RYR3: variants seen among roughly 807,000 people sequenced by gnomAD.
The protein encoded by RYR3 is ryanodine receptor 3, also known as brain ryanodine receptor-calcium release channel.
RYR3 carries 207 observed loss-of-function variants against 584.3 expected under a neutral mutation model. The ratio of observed to expected loss-of-function variants is 0.35; its 90% confidence interval spans 0.32 to 0.40. The LOEUF is 0.40. Ranked by LOEUF, RYR3 falls within the 10% of genes least tolerant of loss-of-function variation. RYR3 has a pLI of 1.00. For synonymous variants in RYR3, 2,416 were observed against 2,248.5 expected (o/e 1.07, Z -2.11); for missense variants, 5,616 against 6,089.2 (o/e 0.92, Z 2.59).
intron 1 of RYR3, among the ~76,000 whole-genome samples, chr15:33,471,036 G>A (rs1047345359): frequency 6.6e-6 from 1 of 152,212 alleles, no homozygotes; most frequent in African/African-American, 2.4e-5. Context: ...CAGATGGGTT[G>A]AATTAACTCA....
intron 3 of RYR3, among the ~76,000 whole-genome samples, chr15:33,512,523 T>G (rs2053123473): frequency 6.6e-6 from 1 of 152,186 alleles, no homozygotes. Flanking sequence ...TGACTGTCTT[T>G]TCTTTGGTGA....
chr15:33,616,680 G>A (rs569994923), intron 19 of RYR3, among the ~76,000 whole-genome samples: 52 of 152,294 alleles, frequency 3.4e-4, no homozygotes, highest in Admixed American at 3.0e-3. Context: ...AGCTGAACAG[G>A]TGGAAGGCTA....
At chr15:33,699,254 C>G (rs1479577644) in intron 40 of RYR3, among the ~76,000 whole-genome samples, 2 of 72,364 alleles carry the variant, frequency 2.8e-5, no homozygotes, top group Non-Finnish European at 6.0e-5. Context: ...CTCTCTCTCT[C>G]CCCCCCTTTC....
At chr15:33,670,599 C>T (rs945899347) in intron 38 of RYR3, 43 bp downstream of exon 38, 1 of 1,515,124 alleles carries the variant, frequency 6.6e-7, no homozygotes, top group South Asian at 1.3e-5. Context: ...TCTTCTAAGA[C>T]TTAATTAATG....
At chr15:33,542,418 A>C (rs2055894303) in intron 7 of RYR3, among the ~76,000 whole-genome samples, 1 of 152,170 alleles carries the variant, frequency 6.6e-6, no homozygotes, top group Non-Finnish European at 1.5e-5. Flanking sequence ...TTAATTTTCT[A>C]AATAAATTAG....
chr15:33,725,972 C>A (rs1415212237), intron 45 of RYR3, among the ~76,000 whole-genome samples: 1 of 40,526 alleles, frequency 2.5e-5, no homozygotes, highest in Non-Finnish European at 6.0e-5. Context: ...TCCATCCCCC[C>A]CCCCAAAAAA....
At chr15:33,851,808 A>C (rs1309654290) in intron 94 of RYR3, 1 of 152,176 alleles carries the variant, frequency 6.6e-6, no homozygotes, top group Non-Finnish European at 1.5e-5. Context: ...GCATGGCTTG[A>C]TTTTTATTTG....
chr15:33,583,704 T>C (rs2058701897), intron 14 of RYR3, among the ~76,000 whole-genome samples: 1 of 151,950 alleles, frequency 6.6e-6, no homozygotes, highest in Admixed American at 6.6e-5. Flanking sequence ...GAGGATCAAT[T>C]GACGCCAAGA....
intron 1 of RYR3, among the ~76,000 whole-genome samples, chr15:33,312,751 A>G (rs149246697): frequency 0.01 from 1,531 of 152,304 alleles, 29 homozygotes; most frequent in African/African-American, 0.035. Context: ...TAGATGTCCC[A>G]GGGAGTTGAG....
intron 42 of RYR3, among the ~76,000 whole-genome samples, chr15:33,701,621 C>T (rs72713271): frequency 1.2e-3 from 183 of 151,988 alleles, no homozygotes; most frequent in Middle Eastern, 3.4e-3. Flanking sequence ...GTGTGACCTT[C>T]TGAGTGGAGC....
chr15:33,454,237 T>C (rs1200320151), intron 1 of RYR3, among the ~76,000 whole-genome samples: 1 of 152,176 alleles, frequency 6.6e-6, no homozygotes, highest in Admixed American at 6.5e-5. Flanking sequence ...TCTGACTGAG[T>C]ATCCCCAAAC....
chr15:33,548,287 C>A, intron 9 of RYR3, 83 bp downstream of exon 9: 1 of 828,694 alleles, frequency 1.2e-6, no homozygotes, highest in Non-Finnish European at 1.9e-6. Flanking sequence ...TCATTCATTC[C>A]ACATCATCTG....
intron 101 of RYR3, among the ~76,000 whole-genome samples, 156 bp downstream of exon 101, chr15:33,860,815 C>G (rs1054761831): frequency 2.0e-5 from 3 of 150,776 alleles, no homozygotes; most frequent in African/African-American, 7.5e-5. Context: ...TGCCATACCC[C>G]TGCCAGGCCG....
intron 2 of RYR3, among the ~76,000 whole-genome samples, chr15:33,499,601 T>C (rs900880707): frequency 5.3e-5 from 8 of 152,216 alleles, no homozygotes; most frequent in African/African-American, 9.6e-5. Context: ...TTGACATTTG[T>C]TAAATATTTA....
intron 67 of RYR3, 104 bp downstream of exon 67, chr15:33,788,562 G>A: frequency 7.5e-7 from 1 of 1,327,024 alleles, no homozygotes; most frequent in Non-Finnish European, 1.0e-6. Flanking sequence ...GTGAGATAAA[G>A]GAGGCGATAG....
chr15:33,850,163 G>C (rs2078999119), intron 94 of RYR3: 1 of 152,086 alleles, frequency 6.6e-6, no homozygotes, highest in African/African-American at 2.4e-5. Flanking sequence ...GGTGGTTCAT[G>C]AGGTCAGGAG....
chr15:33,696,719 T>C (rs2152765578), intron 39 of RYR3, among the ~76,000 whole-genome samples: 1 of 152,328 alleles, frequency 6.6e-6, no homozygotes, highest in Non-Finnish European at 1.5e-5. Context: ...AAGCAGTTAC[T>C]TGATTTTAAT....
chr15:33,486,102 C>G (rs920989918), intron 2 of RYR3, among the ~76,000 whole-genome samples: 2 of 151,962 alleles, frequency 1.3e-5, no homozygotes, highest in South Asian at 4.2e-4. Context: ...CGTGGAAGAT[C>G]GTTGATAAAG....
At chr15:33,613,658 A>G (rs1450821586) in intron 19 of RYR3, among the ~76,000 whole-genome samples, 1 of 152,250 alleles carries the variant, frequency 6.6e-6, no homozygotes, top group African/African-American at 2.4e-5. Context: ...CATGCTCATT[A>G]TAAGAAAAAC....
Sources: allele counts gnomAD v4.1 joint callset (sites outside exome capture counted in the v4.1 genomes callset), GRCh38; gene constraint gnomAD v4.1.1; transcripts MANE v1.5; gene names NCBI Gene and HGNC (gene_info 2026-07-23, HGNC 2026-07-21).